Variants in FOXP4 observed in about 807,000 individuals in gnomAD.
FOXP4 encodes forkhead box P4.
In FOXP4, 25 loss-of-function variants were observed where a neutral mutation model predicts 82.6. The observed-to-expected ratio is 0.30, with a 90% CI of 0.22 to 0.42. The LOEUF (loss-of-function observed/expected upper bound fraction) is 0.42. FOXP4 is among the 10% of genes least tolerant of loss of function. The pLI is 1.00. For missense variants in FOXP4, 785 were observed against 900.9 expected (o/e 0.87, Z 1.65); for synonymous variants, 415 against 388.2 (o/e 1.07, Z -0.81).
In FOXP4 at chr6:41,588,738, C is replaced by T. The variant is rs1217663506; in HGVS notation, c.1065+7C>T. The T allele has an allele frequency of 1.2e-6, 2 of 1,612,976 alleles. No homozygotes were observed. The highest frequency in any genetic ancestry group is 1.3e-5 in the African/African-American group (1 of 74,892). ...GCAGCAGCTGGAGATCCAGGTGTGG[C>T]CCGGAAGATGCTGGGGAGGGACATG... On this transcript the variant is annotated splice_region_variant and intron_variant, in intron 9 of 16. Coordinates refer to ENST00000307972, the MANE Select transcript of FOXP4 (RefSeq NM_001012426.2).
rs144456961 is a variant in FOXP4, at chr6:41,587,437, C to T, written c.797C>T (p.Pro266Leu). 4 of 1,569,606 alleles carry T rather than the reference C, an allele frequency of 2.5e-6. No individual in the cohort carries two copies. Among genetic ancestry groups the T allele is most frequent in the Non-Finnish European group, 3.5e-6 (4 of 1,157,322 alleles). Residue 266 changes from proline to leucine, a missense_variant, in exon 7 of 17, where the codon CCC becomes CTC. Transcript: ENST00000307972. ...AATATSFAAP[P>L]KVSPPLSHHT... is the part of the protein sequence containing the mutation. The stretch of plus-strand genomic sequence containing the variant: ...ACCGCTACCTCGTTTGCCGCTCCCC[C>T]CAAGGTCTCACCCCCCCTCTCCCAC...
chr6:41,598,584 C>T (rs1265497540), intron 16 of FOXP4: 4 of 682,798 alleles, frequency 5.9e-6, no homozygotes, highest in Non-Finnish European at 9.7e-6. Flanking sequence ...TTCTCTCCTC[C>T]CCAACCCAGA....
chr6:41,587,952 C>G (rs1215472309), intron 8 of FOXP4, 55 bp downstream of exon 8: 4 of 902,888 alleles, frequency 4.4e-6, no homozygotes, highest in South Asian at 4.3e-5. Context: ...GGGCCTCTCC[C>G]CCAACCCTGC....
intron 1 of FOXP4, among the ~76,000 whole-genome samples, chr6:41,551,913 C>T (rs1057194365): frequency 2.0e-5 from 3 of 152,080 alleles, no homozygotes; most frequent in African/African-American, 4.8e-5. Context: ...AGGGGTGGCT[C>T]ACATGCAACT....
chr6:41,573,523 T>C (rs1765314519), intron 2 of FOXP4, among the ~76,000 whole-genome samples: 1 of 152,028 alleles, frequency 6.6e-6, no homozygotes, highest in Non-Finnish European at 1.5e-5. Flanking sequence ...GACTGAGTTC[T>C]TAAGCTTGAG....
At position 41,597,858 on chromosome 6, in the gene FOXP4, G is replaced by A; in HGVS notation, c.1803G>A (p.Leu601=). 1 of 1,600,838 alleles carries A rather than the reference G, an allele frequency of 6.2e-7. No homozygotes were observed. ...MLNPGSASSL[L]PLSHDDVGAP... is the part of the protein sequence containing the mutation. Reference sequence around the variant, plus strand: ...ACCCTGGCTCCGCCAGCAGCCTGCTGCCCCTCAGCCACGATGACGTGGGTG... The same window carrying A: ...ACCCTGGCTCCGCCAGCAGCCTGCTACCCCTCAGCCACGATGACGTGGGTG... Residue 601 remains leucine, a synonymous_variant, in exon 16 of 17, where the codon CTG becomes CTA. Transcript: ENST00000307972.
chr6:41,555,758 G>C (rs1228514618), intron 1 of FOXP4, among the ~76,000 whole-genome samples: 1 of 152,182 alleles, frequency 6.6e-6, no homozygotes, highest in Non-Finnish European at 1.5e-5. Context: ...ATGCTAATTA[G>C]GGAGTAATTT....
At chr6:41,589,742 C>T (rs1393498389) in intron 9 of FOXP4, 29 bp from the exon 10 acceptor site, 1 of 1,606,250 alleles carries the variant, frequency 6.2e-7, no homozygotes, top group East Asian at 2.2e-5. Flanking sequence ...CAGCCTCCCG[C>T]TCACCTCCTG....
At chr6:41,567,676 C>T (rs1406252834) in intron 2 of FOXP4, among the ~76,000 whole-genome samples, 8 of 152,154 alleles carry the variant, frequency 5.3e-5, no homozygotes, top group Admixed American at 3.9e-4. Flanking sequence ...AAATGAAGAA[C>T]GGACACAGTT....
intron 1 of FOXP4, among the ~76,000 whole-genome samples, chr6:41,564,610 C>T (rs1024700113): frequency 9.9e-5 from 15 of 152,250 alleles, no homozygotes; most frequent in Admixed American, 3.3e-4. Context: ...GGATCCAGAC[C>T]TTGACTCTTT....
intron 1 of FOXP4, among the ~76,000 whole-genome samples, chr6:41,561,039 C>CA (rs1436901050): frequency 1.3e-5 from 2 of 152,320 alleles, no homozygotes; most frequent in African/African-American, 4.8e-5. Context: ...CCTCGTTGCG[C>CA]ACTCGCCCGC....
intron 2 of FOXP4, among the ~76,000 whole-genome samples, chr6:41,571,220 A>G (rs1172140838): frequency 6.6e-6 from 1 of 151,196 alleles, no homozygotes; most frequent in Non-Finnish European, 1.5e-5. Flanking sequence ...GGCACTGAGG[A>G]CTCTCCCCCT....
At chr6:41,574,279 C>T (rs916786892) in intron 2 of FOXP4, among the ~76,000 whole-genome samples, 1 of 152,156 alleles carries the variant, frequency 6.6e-6, no homozygotes, top group Non-Finnish European at 1.5e-5. Context: ...CATGGAGACC[C>T]CTCAGTGGAG....
chr6:41,561,886 G>T (rs550947376), intron 1 of FOXP4, among the ~76,000 whole-genome samples: 3 of 152,330 alleles, frequency 2.0e-5, no homozygotes, highest in Admixed American at 2.0e-4. Flanking sequence ...GTGTGGCTGA[G>T]CCCAGGCCCC....
At chr6:41,582,782 G>A (rs918430443) in intron 3 of FOXP4, among the ~76,000 whole-genome samples, 11 of 152,066 alleles carry the variant, frequency 7.2e-5, no homozygotes, top group East Asian at 1.9e-4. Context: ...GGATACAACC[G>A]TAGAGTAGGA....
chr6:41,550,947 G>T (rs894252029), intron 1 of FOXP4, among the ~76,000 whole-genome samples: 15 of 152,154 alleles, frequency 9.9e-5, no homozygotes, highest in African/African-American at 3.6e-4. Flanking sequence ...GACCAGTTTG[G>T]GACCTATCAC....
rs866750945 is a variant in FOXP4 at position 41,593,217 on chromosome 6, C to G, written c.1537-1653C>G. Reference sequence around the variant, plus strand: ...CTCAGCCCCTCAGGTCATCTCTGCTCCTCTCCCGAATTATTTGTGCTTTCT... The same window carrying G: ...CTCAGCCCCTCAGGTCATCTCTGCTGCTCTCCCGAATTATTTGTGCTTTCT... On this transcript the variant is annotated intron_variant, in intron 13 of 16. Coordinates refer to ENST00000307972, the MANE Select transcript of FOXP4 (RefSeq NM_001012426.2). The surrounding 1 kb of genome is among the most constrained non-coding windows in gnomAD (Gnocchi z 4.1). Among the ~76,000 whole-genome samples, 8 of 152,336 alleles carry G rather than the reference C, an allele frequency of 5.3e-5. No individual in the cohort carries two copies. Among genetic ancestry groups the G allele is most frequent in the Middle Eastern group, 3.4e-3 (1 of 294 alleles).
intron 3 of FOXP4, among the ~76,000 whole-genome samples, chr6:41,580,253 C>T (rs1337738377): frequency 6.6e-5 from 10 of 152,194 alleles, no homozygotes; most frequent in South Asian, 2.1e-4. Context: ...GTTTTAGTAG[C>T]GTTGTGTTTT....
chr6:41,584,006 G>A (rs1171578862), intron 3 of FOXP4, among the ~76,000 whole-genome samples: 1 of 152,222 alleles, frequency 6.6e-6, no homozygotes, highest in South Asian at 2.1e-4. Flanking sequence ...GAGAGGGCAA[G>A]TGACTTGCTA....
Sources: gnomAD v4.1 joint callset for allele counts (sites outside exome capture counted in the v4.1 genomes callset) on GRCh38, gnomAD v4.1.1 for gene constraint, Gnocchi (gnomAD v3.1) non-coding constraint, MANE v1.5 for transcripts, NCBI Gene and HGNC (gene_info 2026-07-23, HGNC 2026-07-21) for gene names.